SLC26A4: variants seen among roughly 807,000 people sequenced by gnomAD.
SLC26A4 encodes solute carrier family 26 member 4.
A neutral mutation model predicts 90.4 loss-of-function variants in SLC26A4; 93 were observed. The ratio of observed to expected loss-of-function variants is 1.03; its 90% CI spans 0.87 to 1.22. The LOEUF is 1.22. Among genes scored for constraint, SLC26A4 ranks in the 50% most tolerant of loss-of-function variants. SLC26A4 has a pLI of 0.00. For missense variants in SLC26A4, 1,127 were observed against 946.2 expected, an observed-to-expected ratio of 1.19 and a Z score of -2.51; for synonymous variants, 393 against 354.6, an observed-to-expected ratio of 1.11 and a Z score of -1.22.
At chr7:107,702,429 C>A (rs937552259) in intron 17 of SLC26A4, among the ~76,000 whole-genome samples, 1 of 152,172 alleles carries the variant, frequency 6.6e-6, no homozygotes. Flanking sequence ...TGGTGGCTCA[C>A]GCCTGTAATC....
chr7:107,681,935 C>T (rs781746479), intron 6 of SLC26A4, among the ~76,000 whole-genome samples: 16 of 151,040 alleles, frequency 1.1e-4, no homozygotes, highest in East Asian at 1.9e-4. Context: ...CACCTCCTCC[C>T]GCCCCAATCT....
Position 107,702,177 on chromosome 7 carries a change from T to C in SLC26A4, c.2034+120T>C. 3 of 740,760 alleles carry C rather than the reference T, an allele frequency of 4.0e-6. 1 individual carries two copies. In the South Asian group the frequency reaches 4.5e-5, roughly 11 times the overall value. 45.9% of individuals were successfully genotyped at this position (740,760 alleles called of 1,614,324 possible). On this transcript the variant is annotated intron_variant, in intron 17 of 20. Transcript: ENST00000644269. ...CTTTGTAATTTTTCTAGGTGAATGC[T>C]TTTGTAAAAAAGTGTAATATTTTAA... is the stretch of plus-strand genomic sequence containing the variant.
intron 6 of SLC26A4, among the ~76,000 whole-genome samples, chr7:107,675,850 G>A (rs1371694149): frequency 1.3e-5 from 2 of 151,494 alleles, no homozygotes; most frequent in Non-Finnish European, 2.9e-5. Context: ...GGGATTACAG[G>A]CGTGAGCCAC....
intron 8 of SLC26A4, among the ~76,000 whole-genome samples, chr7:107,685,238 C>A (rs1238856630): frequency 1.3e-5 from 2 of 152,150 alleles, no homozygotes; most frequent in Non-Finnish European, 2.9e-5. Flanking sequence ...AATACCCAAG[C>A]CTATGTCATT....
At chr7:107,664,786 C>A (rs930674110) in intron 3 of SLC26A4, among the ~76,000 whole-genome samples, 3 of 152,186 alleles carry the variant, frequency 2.0e-5, no homozygotes, top group Non-Finnish European at 4.4e-5. Context: ...AGCAGCATGG[C>A]ATTCTCCTCT....
At chr7:107,713,574 T>C (rs1008517574) in intron 20 of SLC26A4, among the ~76,000 whole-genome samples, 1 of 152,198 alleles carries the variant, frequency 6.6e-6, no homozygotes, top group African/African-American at 2.4e-5. Flanking sequence ...AAGCAGTCAG[T>C]GCTTCTCTGG....
At chr7:107,683,804 T>C (rs1791322506) in intron 8 of SLC26A4, among the ~76,000 whole-genome samples, 1 of 152,196 alleles carries the variant, frequency 6.6e-6, no homozygotes, top group Non-Finnish European at 1.5e-5. Context: ...ACCAGAGTCC[T>C]GATTTAAACT....
intron 3 of SLC26A4, among the ~76,000 whole-genome samples, chr7:107,671,733 C>T (rs1165324223): frequency 6.6e-6 from 1 of 152,164 alleles, no homozygotes; most frequent in Non-Finnish European, 1.5e-5. Context: ...AAGACAGATG[C>T]TCCTCTACTT....
chr7:107,702,562 C>T (rs1791926356), intron 17 of SLC26A4, among the ~76,000 whole-genome samples: 1 of 151,774 alleles, frequency 6.6e-6, no homozygotes, highest in Non-Finnish European at 1.5e-5. Flanking sequence ...TGGTGGCGCA[C>T]ACCTGTAGTC....
intron 3 of SLC26A4, among the ~76,000 whole-genome samples, chr7:107,670,590 G>A (rs1218265339): frequency 6.6e-6 from 1 of 152,046 alleles, no homozygotes; most frequent in Admixed American, 6.5e-5. Flanking sequence ...TCATTTCATA[G>A]AATTACGAAG....
chr7:107,704,230 A>G (rs2129318754), intron 17 of SLC26A4, 101 bp from the exon 18 acceptor site: 3 of 685,680 alleles, frequency 4.4e-6, no homozygotes, highest in Non-Finnish European at 8.1e-6. Flanking sequence ...CTGATTAACC[A>G]TGAAAGTAAT....
chr7:107,674,179 T>A lies in SLC26A4; in HGVS notation c.431T>A (p.Val144Glu), dbSNP rs772023020. ...RHISVGPFPVVSLMVGSVVLS... is the reference protein window; with the variant it reads ...RHISVGPFPVESLMVGSVVLS... ...TTTTCCCCAGGACCTTTTCCAGTGGTGAGTTTAATGGTGGGATCTGTTGTT... is the reference window on the plus strand; with the variant it reads ...TTTTCCCCAGGACCTTTTCCAGTGGAGAGTTTAATGGTGGGATCTGTTGTT... The change falls in exon 5 of 21, where the codon GTG (valine) becomes GAG (glutamate). Residue 144 changes from valine to glutamate, a missense_variant. Val to Glu is a moderately radical substitution (Grantham distance 121). Transcript: ENST00000644269. The A allele has an allele frequency of 6.2e-7, 1 of 1,611,776 alleles. No homozygotes were observed. Among genetic ancestry groups the A allele is most frequent in the Non-Finnish European group, 8.5e-7 (1 of 1,177,964 alleles).
At chr7:107,689,225 G>T in intron 9 of SLC26A4, 25 bp downstream of exon 9, 1 of 1,611,722 alleles carries the variant, frequency 6.2e-7, no homozygotes. Flanking sequence ...TTGCTGAACT[G>T]GTTTTATAGG....
At chr7:107,697,821 T>C (rs545713636) in intron 13 of SLC26A4, among the ~76,000 whole-genome samples, 5 of 152,296 alleles carry the variant, frequency 3.3e-5, no homozygotes, top group African/African-American at 1.2e-4. Context: ...TCATTATTTC[T>C]CTCAGCCATC....
chr7:107,689,335 T>A, intron 9 of SLC26A4, 135 bp downstream of exon 9: 1 of 870,170 alleles, frequency 1.1e-6, no homozygotes, highest in African/African-American at 1.7e-5. Flanking sequence ...GTTTTCCTCT[T>A]GTGTTTGCTA....
At chr7:107,695,436 G>A (rs191032256) in intron 12 of SLC26A4, among the ~76,000 whole-genome samples, 1 of 152,144 alleles carries the variant, frequency 6.6e-6, no homozygotes, top group Non-Finnish European at 1.5e-5. Flanking sequence ...AAATAAAATG[G>A]GACAGTTGGT....
At chr7:107,667,302 AG>A (rs1790742494) in intron 3 of SLC26A4, among the ~76,000 whole-genome samples, 1 of 152,090 alleles carries the variant, frequency 6.6e-6, no homozygotes, top group East Asian at 1.9e-4. Context: ...GTGATTACCT[AG>A]GAAGAAAGGG....
chr7:107,701,007 A>C, intron 15 of SLC26A4, 94 bp from the exon 16 acceptor site: 1 of 805,348 alleles, frequency 1.2e-6, no homozygotes, highest in South Asian at 1.4e-5. Context: ...TCAAGGAATT[A>C]TACCCTTTGA....
intron 10 of SLC26A4, among the ~76,000 whole-genome samples, chr7:107,691,514 T>TACACACACACACACACACACAC (rs113976786): frequency 7.6e-6 from 1 of 130,978 alleles, no homozygotes; most frequent in African/African-American, 2.9e-5. Context: ...AATATATATA[T>TACACACACACACACACACACAC]ACACACACAC....
Sources: gnomAD v4.1 joint callset for allele counts (sites outside exome capture counted in the v4.1 genomes callset) on GRCh38, gnomAD v4.1.1 for gene constraint, MANE v1.5 for transcripts, NCBI Gene and HGNC (gene_info 2026-07-23, HGNC 2026-07-21) for gene names.